The following LRP1 variants were observed in gnomAD, a reference collection of about 807,000 sequenced individuals.
LRP1 encodes prolow-density lipoprotein receptor-related protein 1.
In LRP1, 51 loss-of-function variants were observed where a neutral mutation model predicts 541.5. The observed-to-expected ratio is 0.09, with a 90% CI of 0.08 to 0.12. The LOEUF is 0.12. Among genes scored for constraint, LRP1 ranks in the 10% least tolerant of loss-of-function variants. The probability of loss-of-function intolerance (pLI) is 1.00; values close to 1 mark genes in which losing one functional copy is unlikely to be tolerated. For synonymous variants in LRP1, 2,219 were observed against 2,470.8 expected, an observed-to-expected ratio of 0.90 and a Z score of 3.02; for missense variants, 3,878 against 6,376.2, an observed-to-expected ratio of 0.61 and a Z score of 13.34.
At chr12:57,164,044 G>A (rs928218821) in intron 15 of LRP1, among the ~76,000 whole-genome samples, 1 of 152,142 alleles carries the variant, frequency 6.6e-6, no homozygotes, top group Non-Finnish European at 1.5e-5. Flanking sequence ...GGTGTCACAC[G>A]CCTGTAGTCC....
intron 80 of LRP1, 54 bp downstream of exon 80, chr12:57,209,922 C>G: frequency 6.2e-7 from 1 of 1,600,714 alleles, no homozygotes; most frequent in Non-Finnish European, 8.5e-7. Flanking sequence ...GGCATTGAGT[C>G]TCCAAGCTGT....
chr12:57,141,577 G>A, intron 3 of LRP1, 66 bp downstream of exon 3: 1 of 1,596,366 alleles, frequency 6.3e-7, no homozygotes, highest in Non-Finnish European at 8.6e-7. Context: ...ACCTTCCGAG[G>A]ACTGTCCTGG....
At chr12:57,145,595 C>T in intron 6 of LRP1, 105 bp downstream of exon 6, 1 of 1,416,452 alleles carries the variant, frequency 7.1e-7, no homozygotes, top group African/African-American at 1.4e-5. Context: ...ATGGTCCTGT[C>T]TGGGGCAGGA....
At chr12:57,153,093 T>G (rs1340043013) in intron 6 of LRP1, among the ~76,000 whole-genome samples, 2 of 152,146 alleles carry the variant, frequency 1.3e-5, no homozygotes, top group Non-Finnish European at 2.9e-5. Context: ...AAAGATTTCT[T>G]TACTTGTTGG....
chr12:57,187,341 A>G lies in LRP1; in HGVS notation c.6916A>G (p.Thr2306Ala), dbSNP rs777022730. 108 of 1,614,012 alleles carry G rather than the reference A, an allele frequency of 6.7e-5. No homozygotes were observed. Among genetic ancestry groups the G allele is most frequent in the Non-Finnish European group, 9.2e-5 (108 of 1,180,038 alleles). The change falls in exon 42 of 89, where the codon ACC becomes GCC. Residue 2306 changes from threonine (T) to alanine (A), a missense_variant. Physicochemically the swap from Thr to Ala is moderately conservative, Grantham distance 58. This residue lies in a region of LRP1 where 1,100 missense variants were observed against 1,827.4 expected (regional missense o/e 0.60). Coordinates refer to ENST00000243077, the MANE Select transcript of LRP1 (RefSeq NM_002332.3). ...CTATTGGACAAGCTACACGACATCCACCATCACGCGCCACACAGTGGACCA... is the reference window on the plus strand; with the variant it reads ...CTATTGGACAAGCTACACGACATCCGCCATCACGCGCCACACAGTGGACCA... ...TLYWTSYTTSTITRHTVDQTR... is the reference protein window; with the variant it reads ...TLYWTSYTTSAITRHTVDQTR...
At chr12:57,160,063 C>A in intron 12 of LRP1, 58 bp downstream of exon 12, 1 of 1,557,616 alleles carries the variant, frequency 6.4e-7, no homozygotes, top group South Asian at 1.1e-5. Context: ...CCTCAGATAA[C>A]TGGAGGATGA....
At position 57,185,210 on chromosome 12, in the gene LRP1, G is replaced by A. The variant is rs527680537; in HGVS notation, c.6463+5G>A. 6.2e-7 allele frequency: 1 copy of A among 1,614,116 alleles called. No homozygotes were observed. Among genetic ancestry groups the A allele is most frequent in the South Asian group, 1.1e-5 (1 of 91,044 alleles). On this transcript the variant is annotated splice_donor_5th_base_variant and intron_variant, in intron 40 of 88. Transcript: ENST00000243077. This position sits in a 1 kb window ranked among gnomAD's most constrained non-coding sequence, Gnocchi z 4.9. ...TCAACCGGGACCGGCAGAAAGGTGA[G>A]GCTGGGGCTCTGGGCTGGGGTGGAG...
chr12:57,151,212 G>C (rs1250756903), intron 6 of LRP1, among the ~76,000 whole-genome samples: 1 of 152,180 alleles, frequency 6.6e-6, no homozygotes, highest in Non-Finnish European at 1.5e-5. Context: ...TGATGGAGAA[G>C]TTGAGAAAAG....
In LRP1 at chr12:57,206,308, T is replaced by C. The variant is rs1479369116; in HGVS notation, c.11591-165T>C. 1.3e-5 allele frequency among the ~76,000 whole-genome samples: 2 copies of C among 152,136 alleles called. No homozygotes were observed. Among genetic ancestry groups the C allele is most frequent in the Non-Finnish European group, 2.9e-5 (2 of 68,006 alleles). ...GGAGGAGAGGAGGAGGTCCAGAGGC[T>C]GAGGTTGGAGCCTGCAACCCTGAGC... On this transcript the variant is annotated intron_variant, in intron 75 of 88. Coordinates refer to ENST00000243077, the MANE Select transcript of LRP1 (RefSeq NM_002332.3). This position sits in a 1 kb window ranked among gnomAD's most constrained non-coding sequence, Gnocchi z 4.7.
chr12:57,202,543 T>TGGCCCCCCCCCCCCC lies in LRP1; in HGVS notation c.10711+6_10711+7insGGCCCCCCCCCCCCC. ...CTCCGATGAAGAGAGCTGCAGTACG[T>TGGCCCCCCCCCCCCC]CCCCACCCACCCAGCCCCGCATGAG... On this transcript the variant is annotated splice_region_variant and intron_variant, in intron 68 of 88. Coordinates refer to ENST00000243077, the MANE Select transcript of LRP1 (RefSeq NM_002332.3). The TGGCCCCCCCCCCCCC allele has an allele frequency of 6.6e-7, 1 of 1,523,630 alleles. No individual in the cohort carries two copies. Among genetic ancestry groups the TGGCCCCCCCCCCCCC allele is most frequent in the Non-Finnish European group, 8.9e-7 (1 of 1,124,814 alleles). 94.4% of individuals were successfully genotyped at this position (1,523,630 alleles called of 1,614,324 possible).
Position 57,210,022 on chromosome 12 carries a change from C to T in LRP1, c.12440-7C>T. The T allele has an allele frequency of 6.2e-7, 1 of 1,602,610 alleles. No homozygotes were observed. Among genetic ancestry groups the T allele is most frequent in the Non-Finnish European group, 8.5e-7 (1 of 1,173,674 alleles). On this transcript the variant is annotated splice_polypyrimidine_tract_variant and splice_region_variant and intron_variant, in intron 80 of 88. Transcript: ENST00000243077. ...CAGCATCCTCCCCACCCCACCCATA[C>T]CTGCAGTGACCAACCCATGTGACCG...
rs1226320161 is a variant in LRP1 at position 57,154,760 on chromosome 12, AG to A, written c.1227+65del. The A allele has an allele frequency of 2.0e-6, 3 of 1,467,186 alleles. No homozygotes were observed. The highest frequency in any genetic ancestry group is 2.8e-6 in the Non-Finnish European group (3 of 1,071,720). 90.9% of individuals were successfully genotyped at this position (1,467,186 alleles called of 1,614,324 possible). Reference sequence around the variant, plus strand: ...AACCATGATCCAGGGCCTTCTGGTGAGGGGGGAAGCCTCTGTAGGGGAACCG... The same window carrying A: ...AACCATGATCCAGGGCCTTCTGGTGAGGGGGAAGCCTCTGTAGGGGAACCG... On this transcript the variant is annotated intron_variant, in intron 8 of 88. Transcript: ENST00000243077. This position sits in a 1 kb window ranked among gnomAD's most constrained non-coding sequence, Gnocchi z 4.6.
chr12:57,128,843 A>G lies in LRP1; in HGVS notation c.-122A>G. Reference sequence around the variant, plus strand: ...CCTGGTGCGCTTTGCCGAAGGAAAGAATAAGAACAGAGAAGGAGGAGGGGG... The same window carrying G: ...CCTGGTGCGCTTTGCCGAAGGAAAGGATAAGAACAGAGAAGGAGGAGGGGG... On this transcript the variant is annotated 5_prime_UTR_variant, in exon 1 of 89. Transcript: ENST00000243077. 1 of 847,630 alleles carries G rather than the reference A, an allele frequency of 1.2e-6. No individual in the cohort carries two copies. The highest frequency in any genetic ancestry group is 1.8e-6 in the Non-Finnish European group (1 of 548,946). 52.5% of individuals were successfully genotyped at this position (847,630 alleles called of 1,614,324 possible).
At position 57,211,670 on chromosome 12, in the gene LRP1, T is replaced by TGGGGGGGGGGGGGGGGGGGGGGGGGGG; in HGVS notation, c.13194-79_13194-78insGGGGGGGGGGGGGGGGGGGGGGGGGGG. The TGGGGGGGGGGGGGGGGGGGGGGGGGGG allele has an allele frequency of 7.5e-7, 1 of 1,341,918 alleles. No individual in the cohort carries two copies. Among genetic ancestry groups the TGGGGGGGGGGGGGGGGGGGGGGGGGGG allele is most frequent in the Non-Finnish European group, 1.1e-6 (1 of 933,728 alleles). The allele number at this position is 1,341,918 out of a possible 1,614,324, so 83.1% of individuals were successfully genotyped here. A position where few individuals can be genotyped will look rare whatever the true frequency, so the allele number is the denominator to read the frequency against. On this transcript the variant is annotated intron_variant, in intron 85 of 88. Transcript: ENST00000243077. The surrounding 1 kb of genome is among the most constrained non-coding windows in gnomAD (Gnocchi z 4.3). ...GAGCAGGAGGACCGTCAGGCCTCAG[T>TGGGGGGGGGGGGGGGGGGGGGGGGGGG]GCCCACCCCCCGCCCTGTTTTCCTG...
rs545735565 is a variant in LRP1 at position 57,170,792 on chromosome 12, G to A, written c.3163+1485G>A. ...GAGCTCGCCACTGCACTCCAGCCTG[G>A]GTGACAGAATAAGACCTTGTCTCAA... On this transcript the variant is annotated intron_variant, in intron 20 of 88. Transcript: ENST00000243077. 9.2e-5 allele frequency among the ~76,000 whole-genome samples: 14 copies of A among 152,190 alleles called. No homozygotes were observed. In the South Asian group the frequency reaches 2.3e-3, roughly 25 times the overall value.
At chr12:57,147,199 C>T (rs1040193629) in intron 6 of LRP1, among the ~76,000 whole-genome samples, 1 of 151,610 alleles carries the variant, frequency 6.6e-6, no homozygotes, top group Non-Finnish European at 1.5e-5. Flanking sequence ...TTTCTCTCAT[C>T]CCAGCTTCTG....
chr12:57,204,390 T>C lies in LRP1; in HGVS notation c.10952-20T>C. ...GTGGGCTCATGGCTCATTCTATCTC[T>C]TGGCTCCCCCTGGCACCAGTGCGGA... On this transcript the variant is annotated intron_variant, in intron 70 of 88. Coordinates refer to ENST00000243077, the MANE Select transcript of LRP1 (RefSeq NM_002332.3). The surrounding 1 kb of genome is among the most constrained non-coding windows in gnomAD (Gnocchi z 5.3). 6.6e-7 allele frequency: 1 copy of C among 1,514,744 alleles called. No homozygotes were observed. The highest frequency in any genetic ancestry group is 2.3e-5 in the East Asian group (1 of 43,888). The allele number at this position is 1,514,744 out of a possible 1,614,324, so 93.8% of individuals were successfully genotyped here.
At chr12:57,147,482 C>T (rs2306692) in intron 6 of LRP1, 27,726 of 152,144 alleles carry the variant, frequency 0.18, 2,860 homozygotes, top group East Asian at 0.34. Flanking sequence ...CCAAGGAGGA[C>T]GAAGAAGAAA....
intron 3 of LRP1, among the ~76,000 whole-genome samples, chr12:57,141,791 C>T (rs2035297628): frequency 6.6e-6 from 1 of 152,238 alleles, no homozygotes; most frequent in Admixed American, 6.5e-5. Context: ...AGTTTTTCTT[C>T]TGTAAGATGA....
Sources: allele counts gnomAD v4.1 joint callset (sites outside exome capture counted in the v4.1 genomes callset), GRCh38; gene constraint gnomAD v4.1.1; regional missense constraint gnomAD v4.1.1; non-coding constraint Gnocchi (gnomAD v3.1); transcripts MANE v1.5; gene names NCBI Gene and HGNC (gene_info 2026-07-23, HGNC 2026-07-21).